The following ACVR1 variants were observed in gnomAD, a reference collection of about 807,000 sequenced individuals.
ACVR1 encodes the protein activin receptor type-1.
Under a neutral mutation model 57.1 loss-of-function variants are expected in ACVR1, and 38 were observed. That is an observed-to-expected ratio of 0.67 (90% confidence interval 0.51 to 0.87). The LOEUF is 0.87. ACVR1 is among the 40% of genes least tolerant of loss of function. The pLI is 0.00. For missense variants in ACVR1, 463 were observed against 638.2 expected, an observed-to-expected ratio of 0.73 and a Z score of 2.96; for synonymous variants, 212 against 228.1, an observed-to-expected ratio of 0.93 and a Z score of 0.63.
intron 9 of ACVR1, among the ~76,000 whole-genome samples, chr2:157,748,898 G>A (rs1324026207): frequency 6.6e-6 from 1 of 152,094 alleles, no homozygotes; most frequent in African/African-American, 2.4e-5. Context: ...TCAATCCTTA[G>A]GAGAAAACAT....
At position 157,766,176 on chromosome 2, in the gene ACVR1, T is replaced by C. The variant is rs1188212622; in HGVS notation, c.811A>G (p.Thr271Ala). The change falls in exon 8 of 11, where the codon ACA (threonine) becomes GCA (alanine). Residue 271 changes from threonine to alanine, a missense_variant. By Grantham distance (58) the Thr-to-Ala change is moderately conservative. Coordinates refer to ENST00000434821, the MANE Select transcript of ACVR1 (RefSeq NM_001111067.4). ...AGCTGGGTACTGGAGTGTCTTGATG[T>C]CATGTCTGAAGCAATGAAACCTGGA... is the stretch of plus-strand genomic sequence containing the variant. ...NILGFIASDMTSRHSSTQLWL... is the reference protein window; with the variant it reads ...NILGFIASDMASRHSSTQLWL... The C allele has an allele frequency of 6.2e-7, 1 of 1,614,124 alleles. No individual in the cohort carries two copies. The highest frequency in any genetic ancestry group is 1.7e-5 in the Admixed American group (1 of 60,028).
chr2:157,815,073 A>C (rs1191971964), intron 2 of ACVR1, among the ~76,000 whole-genome samples: 2 of 152,192 alleles, frequency 1.3e-5, no homozygotes, highest in Non-Finnish European at 2.9e-5. Flanking sequence ...TGGGCAACAG[A>C]GCAAGACTCC....
chr2:157,850,696 C>T lies in ACVR1; in HGVS notation c.-183+25100G>A, dbSNP rs373848637. Among the ~76,000 whole-genome samples the T allele has an allele frequency of 5.9e-5, 9 of 152,158 alleles. No homozygotes were observed. In the East Asian group the frequency reaches 1.7e-3, roughly 29 times the overall value. ...ACTTGGACAGGGGCAGTGCCTCACA[C>T]CTGTAATCTCAGCACTTTGGGAGGC... On this transcript the variant is annotated intron_variant, in intron 1 of 10. Transcript: ENST00000434821.
chr2:157,747,388 C>A (rs1028639055), intron 9 of ACVR1, among the ~76,000 whole-genome samples: 2 of 151,760 alleles, frequency 1.3e-5, no homozygotes, highest in African/African-American at 4.8e-5. Context: ...ATCATGTGCA[C>A]AAAAATGTCT....
intron 9 of ACVR1, among the ~76,000 whole-genome samples, chr2:157,756,697 C>T (rs1221808831): frequency 6.6e-6 from 1 of 151,984 alleles, no homozygotes; most frequent in Non-Finnish European, 1.5e-5. Flanking sequence ...AACACTTCTA[C>T]ACTGCTAGTG....
Position 157,737,348 on chromosome 2 carries a change from C to T in ACVR1, c.*183G>A, listed in dbSNP as rs113598201. ...AAATGCCCAGTTCACAGTCATCGAG[C>T]GAGGTTAGGGTGGTTTTGATGTCTC... On this transcript the variant is annotated 3_prime_UTR_variant, in exon 11 of 11. Coordinates refer to ENST00000434821, the MANE Select transcript of ACVR1 (RefSeq NM_001111067.4). 1.5e-3 allele frequency: 1,062 copies of T among 715,198 alleles called. 22 individuals carry two copies. The South Asian group carries it at 0.016, about 11-fold the overall frequency. The allele number at this position is 715,198 out of a possible 1,614,324, so 44.3% of individuals were successfully genotyped here. A position where few individuals can be genotyped will look rare whatever the true frequency, so the allele number is the denominator to read the frequency against.
chr2:157,850,656 A>G (rs541274364), intron 1 of ACVR1, among the ~76,000 whole-genome samples: 7 of 152,180 alleles, frequency 4.6e-5, no homozygotes, highest in Non-Finnish European at 8.8e-5. Context: ...AAAAGATAAA[A>G]AGAAAAAGAA....
intron 9 of ACVR1, among the ~76,000 whole-genome samples, chr2:157,739,107 T>C (rs1385632568): frequency 2.6e-5 from 4 of 152,236 alleles, no homozygotes; most frequent in Non-Finnish European, 5.9e-5. Flanking sequence ...ATCTCTTCCA[T>C]TAGGAGGGAT....
chr2:157,754,010 A>T (rs777066199), intron 9 of ACVR1, among the ~76,000 whole-genome samples: 3 of 152,218 alleles, frequency 2.0e-5, no homozygotes, highest in Non-Finnish European at 2.9e-5. Context: ...CTCAATGATC[A>T]CTGGGTCAAC....
intron 1 of ACVR1, among the ~76,000 whole-genome samples, chr2:157,870,384 A>G (rs2165436): frequency 0.68 from 103,692 of 152,096 alleles, 39,666 homozygotes; most frequent in Non-Finnish European, 0.85. Flanking sequence ...CTTGGCTTTC[A>G]TAGATGAGCA....
At chr2:157,770,270 G>T in intron 7 of ACVR1, 98 bp downstream of exon 7, 1 of 1,360,520 alleles carries the variant, frequency 7.4e-7, no homozygotes, top group South Asian at 1.2e-5. Context: ...CTTTTTAGGA[G>T]ACACTCTCGA....
chr2:157,800,245 T>C (rs1687272719), intron 2 of ACVR1, among the ~76,000 whole-genome samples: 1 of 152,198 alleles, frequency 6.6e-6, no homozygotes, highest in Non-Finnish European at 1.5e-5. Context: ...TCTTTAATGA[T>C]AGGTTAGTGT....
chr2:157,842,937 A>T (rs1291210889), intron 1 of ACVR1, among the ~76,000 whole-genome samples: 3 of 152,204 alleles, frequency 2.0e-5, no homozygotes, highest in Non-Finnish European at 4.4e-5. Flanking sequence ...GTATTTAATC[A>T]CATCTCTATT....
intron 2 of ACVR1, among the ~76,000 whole-genome samples, chr2:157,815,033 G>A (rs929186540): frequency 1.3e-5 from 2 of 152,240 alleles, no homozygotes; most frequent in African/African-American, 4.8e-5. Context: ...AGCTTGCAGT[G>A]AGCCAAGATG....
Position 157,766,125 on chromosome 2 carries a change from T to C in ACVR1, c.862A>G (p.Met288Val), listed in dbSNP as rs762684873. ...TGAAGATAGTCGTACAACGATCCCATTTCATGATAATGTGTAATTAACCAC... is the reference window on the plus strand; with the variant it reads ...TGAAGATAGTCGTACAACGATCCCACTTCATGATAATGTGTAATTAACCAC... ...QLWLITHYHE[M>V]GSLYDYLQLT... Residue 288 changes from methionine (M) to valine (V), a missense_variant, in exon 8 of 11, where the codon ATG becomes GTG. Met to Val is a conservative substitution (Grantham distance 21). Around this residue, in one of 3 missense-constraint regions of ACVR1, gnomAD observed 114 missense variants for 216.2 expected, o/e 0.53. Coordinates refer to ENST00000434821, the MANE Select transcript of ACVR1 (RefSeq NM_001111067.4). 3 of 1,614,146 alleles carry C rather than the reference T, an allele frequency of 1.9e-6. No homozygotes were observed. Among genetic ancestry groups the C allele is most frequent in the Admixed American group, 1.7e-5 (1 of 60,030 alleles).
chr2:157,847,099 G>C (rs1342031258), intron 1 of ACVR1, among the ~76,000 whole-genome samples: 2 of 152,182 alleles, frequency 1.3e-5, no homozygotes, highest in Admixed American at 1.3e-4. Flanking sequence ...CAACAGTTTA[G>C]AATGATGTTG....
At position 157,766,210 on chromosome 2, in the gene ACVR1, G is replaced by GA. The variant is rs761875726; in HGVS notation, c.791-15dup. ...AAGCAATGAAACCTGGAGAGAGCAA[G>GA]AAAAAAATTAATATACATGAGGATT... is the stretch of plus-strand genomic sequence containing the variant. On this transcript the variant is annotated splice_polypyrimidine_tract_variant and intron_variant, in intron 7 of 10. Transcript: ENST00000434821. 8.1e-6 allele frequency: 13 copies of GA among 1,613,324 alleles called. No homozygotes were observed. In the African/African-American group the frequency reaches 1.7e-4, roughly 22 times the overall value.
chr2:157,837,929 G>A (rs1016147577), intron 1 of ACVR1, among the ~76,000 whole-genome samples: 6 of 152,168 alleles, frequency 3.9e-5, no homozygotes, highest in African/African-American at 9.7e-5. Flanking sequence ...CAGTTGGCAC[G>A]AAGCGTTGCC....
intron 1 of ACVR1, among the ~76,000 whole-genome samples, chr2:157,824,345 G>A (rs1001338469): frequency 1.3e-5 from 2 of 152,220 alleles, no homozygotes; most frequent in Admixed American, 1.3e-4. Context: ...GTGCACACCT[G>A]TAGTCCCAGC....
Sources: allele counts gnomAD v4.1 joint callset (sites outside exome capture counted in the v4.1 genomes callset), GRCh38; gene constraint gnomAD v4.1.1; regional missense constraint gnomAD v4.1.1; transcripts MANE v1.5; gene names NCBI Gene and HGNC (gene_info 2026-07-23, HGNC 2026-07-21).